Variants in NTN1 observed in about 807,000 individuals in gnomAD.
NTN1 encodes the protein netrin 1.
Under a neutral mutation model 54.2 loss-of-function variants are expected in NTN1, and 11 were observed. That is an observed-to-expected ratio of 0.20 (90% CI 0.13 to 0.34). NTN1 has a LOEUF of 0.34. NTN1 is among the 10% of genes least tolerant of loss of function. The pLI, the probability that NTN1 is intolerant of heterozygous loss-of-function variation, is 1.00. For synonymous variants in NTN1, 371 were observed against 382.0 expected, an observed-to-expected ratio of 0.97 and a Z score of 0.33; for missense variants, 740 against 893.1, an observed-to-expected ratio of 0.83 and a Z score of 2.18.
intron 2 of NTN1, among the ~76,000 whole-genome samples, chr17:9,035,306 A>G (rs552945325): frequency 3.3e-5 from 5 of 152,300 alleles, no homozygotes; most frequent in East Asian, 3.9e-4. Flanking sequence ...CTTTTGCTCC[A>G]TGTTACATTT....
intron 5 of NTN1, among the ~76,000 whole-genome samples, chr17:9,190,999 A>G (rs951934501): frequency 6.6e-6 from 1 of 152,194 alleles, no homozygotes; most frequent in East Asian, 1.9e-4. Context: ...AAATAATAAC[A>G]AAATATGCTG....
chr17:9,237,066 TG>T (rs1906016332), intron 6 of NTN1, among the ~76,000 whole-genome samples: 2 of 152,212 alleles, frequency 1.3e-5, no homozygotes, highest in African/African-American at 4.8e-5. Context: ...TGCCTGGCCC[TG>T]AGCAGAGGCC....
chr17:9,123,143 C>T (rs992085669), intron 2 of NTN1, among the ~76,000 whole-genome samples: 10 of 152,076 alleles, frequency 6.6e-5, no homozygotes. Context: ...CCAAGTCATA[C>T]CAGTTTATAG....
At chr17:9,007,715 C>CCTTT in the NTN1 span, among the ~76,000 whole-genome samples, 81 of 150,020 alleles carry the variant, frequency 5.4e-4, 1 homozygote, top group South Asian at 0.015. Flanking sequence ...TTTCTTCCCT[C>CCTTT]CTTTCTTTCT....
At chr17:9,181,511 A>C (rs1388674397) in intron 4 of NTN1, among the ~76,000 whole-genome samples, 2 of 152,168 alleles carry the variant, frequency 1.3e-5, no homozygotes, top group Non-Finnish European at 2.9e-5. Context: ...CAGCTTCCTA[A>C]TAACCCATTG....
At chr17:9,033,251 G>A (rs1047932877) in intron 2 of NTN1, among the ~76,000 whole-genome samples, 12 of 152,080 alleles carry the variant, frequency 7.9e-5, no homozygotes, top group Non-Finnish European at 1.3e-4. Flanking sequence ...ACCGTGCCCG[G>A]CCCAATCCTT....
intron 2 of NTN1, among the ~76,000 whole-genome samples, chr17:9,057,461 C>G (rs77061656): frequency 6.6e-6 from 1 of 152,152 alleles, no homozygotes; most frequent in African/African-American, 2.4e-5. Flanking sequence ...TGCTCTTCCC[C>G]GGGGTTTGCT....
chr17:9,202,535 TAGC>T (rs765202711), intron 5 of NTN1, among the ~76,000 whole-genome samples: 45 of 152,200 alleles, frequency 3.0e-4, no homozygotes, highest in Non-Finnish European at 5.0e-4. Flanking sequence ...TGTGAGAAGG[TAGC>T]AGAATTTGGT....
intron 2 of NTN1, among the ~76,000 whole-genome samples, chr17:9,160,648 A>C (rs192229955): frequency 3.9e-5 from 6 of 152,290 alleles, no homozygotes; most frequent in Admixed American, 1.3e-4. Flanking sequence ...TTTTGAGTGC[A>C]TGAATTAAAT....
intron 2 of NTN1, among the ~76,000 whole-genome samples, chr17:9,097,611 C>T (rs575789741): frequency 3.3e-5 from 5 of 151,914 alleles, no homozygotes; most frequent in South Asian, 2.1e-4. Flanking sequence ...GGCAACAGAG[C>T]GAGACTGCCT....
intron 3 of NTN1, among the ~76,000 whole-genome samples, chr17:9,166,159 C>T: frequency 5.8e-5 from 1 of 17,316 alleles, no homozygotes; most frequent in South Asian, 1.2e-3. Flanking sequence ...TCCACCACCA[C>T]CACCACCACC....
intron 1 of NTN1, among the ~76,000 whole-genome samples, chr17:9,022,110 G>T (rs1175816572): frequency 6.6e-6 from 1 of 152,154 alleles, no homozygotes; most frequent in Non-Finnish European, 1.5e-5. Flanking sequence ...CCGCCGGGCG[G>T]GGAAGAAGGG....
intron 2 of NTN1, among the ~76,000 whole-genome samples, chr17:9,161,474 T>C (rs935808244): frequency 3.3e-5 from 5 of 152,056 alleles, no homozygotes; most frequent in African/African-American, 9.7e-5. Flanking sequence ...CGCCCTCAGA[T>C]TGGTGCTTAG....
chr17:9,235,738 CTTTTTTTTTTTCTT>C (rs1567748734), intron 6 of NTN1, among the ~76,000 whole-genome samples: 16 of 55,154 alleles, frequency 2.9e-4, no homozygotes, highest in Non-Finnish European at 5.2e-4. Context: ...CTTCTTTCTT[CTTTTTTTTTTTCTT>C]TTTTTTTTTT....
intron 3 of NTN1, among the ~76,000 whole-genome samples, chr17:9,166,566 T>A (rs900142218): frequency 1.3e-5 from 2 of 152,160 alleles, no homozygotes; most frequent in African/African-American, 4.8e-5. Context: ...GGTCTCGAAC[T>A]CCTGACTTCA....
At chr17:9,051,014 C>A (rs1482534584) in intron 2 of NTN1, among the ~76,000 whole-genome samples, 4 of 152,154 alleles carry the variant, frequency 2.6e-5, no homozygotes, top group African/African-American at 9.7e-5. Flanking sequence ...GCCCCCTGTC[C>A]TGTTAGCTGA....
intron 2 of NTN1, among the ~76,000 whole-genome samples, chr17:9,031,237 T>C (rs2091887523): frequency 6.6e-6 from 1 of 152,192 alleles, no homozygotes; most frequent in South Asian, 2.1e-4. Flanking sequence ...CCTGAGGGCC[T>C]GTATGCTGTG....
In NTN1 at chr17:9,149,388, A is replaced by G. The variant is rs548883935; in HGVS notation, c.1019-13425A>G. On this transcript the variant is annotated intron_variant, in intron 2 of 6. Transcript: ENST00000173229. ...CTTCCGGGAGAACTTTGCTCAGACA[A>G]TCTCTTCCAGTTTGAAAATTCTCTG... Among the ~76,000 whole-genome samples, 20 of 152,252 alleles carry G rather than the reference A, an allele frequency of 1.3e-4. No individual in the cohort carries two copies. The East Asian group carries it at 1.9e-3, about 15-fold the overall frequency.
At chr17:9,235,659 T>C (rs2142375469) in intron 6 of NTN1, among the ~76,000 whole-genome samples, 1 of 152,262 alleles carries the variant, frequency 6.6e-6, no homozygotes, top group African/African-American at 2.4e-5. Flanking sequence ...GCTCTCTGCT[T>C]CAGAAATGCT....
Sources: allele counts gnomAD v4.1 joint callset (sites outside exome capture counted in the v4.1 genomes callset), GRCh38; gene constraint gnomAD v4.1.1; transcripts MANE v1.5; gene names NCBI Gene and HGNC (gene_info 2026-07-23, HGNC 2026-07-21).